Variants in CLPTM1L observed in about 807,000 individuals in gnomAD.
The protein encoded by CLPTM1L is CLPTM1 like.
A neutral mutation model predicts 70.9 loss-of-function variants in CLPTM1L; 38 were observed. The observed-to-expected ratio is 0.54, with a 90% CI of 0.41 to 0.70. The LOEUF is 0.70. CLPTM1L is among the 30% of genes least tolerant of loss of function. The probability of loss-of-function intolerance (pLI) is 0.00; values close to 1 mark genes in which losing one functional copy is unlikely to be tolerated. For missense variants in CLPTM1L, 652 were observed against 705.9 expected (o/e 0.92, Z 0.87); for synonymous variants, 339 against 299.9 (o/e 1.13, Z -1.35).
chr5:1,330,340 C>A lies in CLPTM1L; in HGVS notation c.1020G>T (p.Leu340=). Residue 340 remains leucine, a synonymous_variant, in exon 9 of 17, where the codon CTG becomes CTT. Transcript: ENST00000320895. The part of the protein sequence containing the change: ...CFSTVVIFLF[L]LDEQTSLLVL... ...CCAGCAGGCTCGTCTGCTCGTCCAG[C>A]AGGAACAGAAAGATGACCACGGTGC... 2 of 1,612,860 alleles carry A rather than the reference C, an allele frequency of 1.2e-6. No homozygotes were observed. The highest frequency in any genetic ancestry group is 1.3e-5 in the African/African-American group (1 of 75,050).
intron 7 of CLPTM1L, among the ~76,000 whole-genome samples, chr5:1,332,978 T>G (rs559461743): frequency 4.6e-5 from 7 of 150,670 alleles, no homozygotes; most frequent in Non-Finnish European, 7.4e-5. Context: ...GGGGGACTAC[T>G]GTATACACAC....
chr5:1,326,093 C>T, intron 9 of CLPTM1L: 1 of 457,818 alleles, frequency 2.2e-6, no homozygotes, highest in South Asian at 3.9e-5. Flanking sequence ...CGCCACTCTG[C>T]CTGCACCCAA....
intron 9 of CLPTM1L, among the ~76,000 whole-genome samples, chr5:1,326,787 GGGACATTTCATCCAGCTCCTCCCCT>G (rs1411930077): frequency 6.7e-6 from 1 of 149,342 alleles, no homozygotes; most frequent in Non-Finnish European, 1.5e-5. Flanking sequence ...CTCCTCTACA[GGGACATTTCATCCAGCTCCTCCCCT>G]ACAGGGACAT....
intron 5 of CLPTM1L, among the ~76,000 whole-genome samples, chr5:1,336,439 C>T (rs970366606): frequency 6.6e-6 from 1 of 152,248 alleles, no homozygotes; most frequent in African/African-American, 2.4e-5. Context: ...CCCCGGGCCT[C>T]TAACAAGACA....
At chr5:1,325,085 C>T (rs1361155029) in intron 10 of CLPTM1L, 1 of 561,768 alleles carries the variant, frequency 1.8e-6, no homozygotes, top group Non-Finnish European at 3.2e-6. Flanking sequence ...GTTTTCAGTG[C>T]CACCGCTTCA....
intron 4 of CLPTM1L, chr5:1,338,225 C>T (rs996943171): frequency 1.2e-5 from 7 of 573,832 alleles, no homozygotes; most frequent in Admixed American, 3.0e-5. Context: ...AATGCCTCCA[C>T]GGCCACTAGG....
Position 1,339,109 on chromosome 5 carries a change from C to T in CLPTM1L, c.454-104G>A, listed in dbSNP as rs551305278. 1,244 of 1,332,368 alleles carry T rather than the reference C, an allele frequency of 9.3e-4. 1 individual carries two copies. Among genetic ancestry groups the T allele is most frequent in the Non-Finnish European group, 1.0e-3 (997 of 978,116 alleles). The allele number at this position is 1,332,368 out of a possible 1,614,324, so 82.5% of individuals were successfully genotyped here. On this transcript the variant is annotated intron_variant, in intron 3 of 16. Transcript: ENST00000320895. ...CGAACAGAACGGCCACACAGACAGG[C>T]AAACTGTGCCCGGGACAGCAGGGTC...
Position 1,339,826 on chromosome 5 carries a change from G to A in CLPTM1L, c.454-821C>T, listed in dbSNP as rs539873448. ...CCACACAGACGGGCAAACTGTGCTCGGGACAGCAGGGTCAGCGCCCTAACC... is the reference window on the plus strand; with the variant it reads ...CCACACAGACGGGCAAACTGTGCTCAGGACAGCAGGGTCAGCGCCCTAACC... On this transcript the variant is annotated intron_variant, in intron 3 of 16. Coordinates refer to ENST00000320895, the MANE Select transcript of CLPTM1L (RefSeq NM_030782.5). Among the ~76,000 whole-genome samples, 137 of 112,072 alleles carry A rather than the reference G, an allele frequency of 1.2e-3. 3 individuals are homozygous for A. Among genetic ancestry groups the A allele is most frequent in the Admixed American group, 0.011 (128 of 11,242 alleles). The allele number at this position is 112,072 out of a possible 152,430, so 73.5% of individuals were successfully genotyped here. A position where few individuals can be genotyped will look rare whatever the true frequency, so the allele number is the denominator to read the frequency against.
intron 11 of CLPTM1L, 129 bp downstream of exon 11, chr5:1,324,634 T>A (rs1752400510): frequency 1.1e-6 from 1 of 899,888 alleles, no homozygotes; most frequent in South Asian, 1.5e-5. Flanking sequence ...ACTCTTGGGA[T>A]CCCTGCTCAA....
At chr5:1,327,491 TCATCCAGCTCCTCCTCTACAGGGACATTC>T (rs1752684679) in intron 9 of CLPTM1L, among the ~76,000 whole-genome samples, 2 of 92,684 alleles carry the variant, frequency 2.2e-5, no homozygotes, top group South Asian at 3.9e-4. Flanking sequence ...CAGGGACATT[TCATCCAGCTCCTCCTCTACAGGGACATTC>T]CATCCAGCTC....
At chr5:1,344,289 T>C in intron 2 of CLPTM1L, 62 bp downstream of exon 2, 2 of 1,153,228 alleles carry the variant, frequency 1.7e-6, no homozygotes, top group East Asian at 2.3e-5. Context: ...AAGCTAACTT[T>C]TAAACAATCT....
At chr5:1,324,864 G>A (rs1205149740) in intron 10 of CLPTM1L, 51 bp from the exon 11 acceptor site, 1 of 1,541,584 alleles carries the variant, frequency 6.5e-7, no homozygotes, top group Admixed American at 1.7e-5. Flanking sequence ...GAGGATCTGA[G>A]CACAGCTGAG....
intron 7 of CLPTM1L, among the ~76,000 whole-genome samples, chr5:1,332,506 C>G (rs1182181472): frequency 6.6e-6 from 1 of 151,030 alleles, no homozygotes; most frequent in Non-Finnish European, 1.5e-5. Flanking sequence ...CCCAGGCACT[C>G]AGAACCAGTG....
intron 4 of CLPTM1L, 33 bp downstream of exon 4, chr5:1,338,827 C>A: frequency 1.2e-6 from 2 of 1,611,134 alleles, no homozygotes; most frequent in Non-Finnish European, 1.7e-6. Context: ...CAGCACCCTC[C>A]CCCCGGCGCT....
In CLPTM1L at chr5:1,342,039, T is replaced by TGTGTGTGCGCGCGCGC. The variant is rs3222913; in HGVS notation, c.264-180_264-179insGCGCGCGCGCACACAC. On this transcript the variant is annotated intron_variant, in intron 2 of 16. Coordinates refer to ENST00000320895, the MANE Select transcript of CLPTM1L (RefSeq NM_030782.5). The surrounding 1 kb of genome is among the most constrained non-coding windows in gnomAD (Gnocchi z 4.3). ...GTGTGTGTGTGTGTGTGTGTGTGTG[T>TGTGTGTGCGCGCGCGC]GCACGCGCACGCGTGCGCGTCCTGA... Among the ~76,000 whole-genome samples the TGTGTGTGCGCGCGCGC allele has an allele frequency of 7.9e-4, 118 of 149,070 alleles. No individual in the cohort carries two copies. Among genetic ancestry groups the TGTGTGTGCGCGCGCGC allele is most frequent in the African/African-American group, 2.6e-3 (104 of 39,764 alleles).
chr5:1,344,259 A>T (rs1252854009), intron 2 of CLPTM1L, 92 bp downstream of exon 2: 4 of 877,580 alleles, frequency 4.6e-6, no homozygotes, highest in Non-Finnish European at 7.5e-6. Flanking sequence ...GTTCTCTAAA[A>T]TAAACATGTT....
intron 7 of CLPTM1L, among the ~76,000 whole-genome samples, chr5:1,333,454 T>C (rs376493172): frequency 8.5e-4 from 15 of 17,664 alleles, no homozygotes; most frequent in African/African-American, 1.3e-3. Context: ...GTATACACAT[T>C]GGATGAGGAT....
At chr5:1,330,432 C>T in intron 8 of CLPTM1L, 49 bp from the exon 9 acceptor site, 1 of 1,491,650 alleles carries the variant, frequency 6.7e-7, no homozygotes, top group African/African-American at 1.4e-5. Flanking sequence ...CAGACCCCAC[C>T]TGTGTTCCCC....
At chr5:1,321,137 G>A (rs1752127782) in intron 15 of CLPTM1L, among the ~76,000 whole-genome samples, 2 of 152,218 alleles carry the variant, frequency 1.3e-5, no homozygotes, top group South Asian at 4.1e-4. Flanking sequence ...CCTTTCCTCT[G>A]GGAGCTTGTA....
Sources: gnomAD v4.1 joint callset for allele counts (sites outside exome capture counted in the v4.1 genomes callset) on GRCh38, gnomAD v4.1.1 for gene constraint, Gnocchi (gnomAD v3.1) non-coding constraint, MANE v1.5 for transcripts, NCBI Gene and HGNC (gene_info 2026-07-23, HGNC 2026-07-21) for gene names.